Variants in RAD51D observed in about 807,000 individuals in gnomAD.
RAD51D encodes RAD51 paralog D, also known as DNA repair protein RAD51 homolog 4.
A neutral mutation model predicts 44.1 loss-of-function variants in RAD51D; 38 were observed. The ratio of observed to expected loss-of-function variants is 0.86; its 90% CI spans 0.67 to 1.13. The LOEUF (loss-of-function observed/expected upper bound fraction) is 1.13. Among genes scored for constraint, RAD51D ranks in the 50% most tolerant of loss-of-function variants. The probability of loss-of-function intolerance (pLI) is 0.00; values close to 1 mark genes in which losing one functional copy is unlikely to be tolerated. For synonymous variants in RAD51D, 141 were observed against 166.6 expected (o/e 0.85, Z 1.18); for missense variants, 390 against 414.0 (o/e 0.94, Z 0.50).
rs1567729412 is a variant in RAD51D at position 35,108,496 on chromosome 17, T to TAA, written c.264-1050_264-1049insTT. Among the ~76,000 whole-genome samples the TAA allele has an allele frequency of 2.6e-3, 330 of 125,512 alleles. 8 individuals carry two copies. Among genetic ancestry groups the TAA allele is most frequent in the African/African-American group, 0.011 (319 of 29,856 alleles). 82.3% of individuals were successfully genotyped at this position (125,512 alleles called of 152,430 possible). A position where few individuals can be genotyped will look rare whatever the true frequency, so the allele number is the denominator to read the frequency against. ...GCAACATAGCAAGACCCTTTTCTCT[T>TAA]TAAAAAAAAAAAAAAAAAAAAAAAA... On this transcript the variant is annotated intron_variant, in intron 3 of 9. Coordinates refer to ENST00000345365, the MANE Select transcript of RAD51D (RefSeq NM_002878.4).
At chr17:35,114,530 A>T (rs12603896) in intron 3 of RAD51D, among the ~76,000 whole-genome samples, 33,108 of 151,030 alleles carry the variant, frequency 0.22, 4,287 homozygotes, top group Middle Eastern at 0.31. Flanking sequence ...AAAAAAAAAA[A>T]TTTTTTTTAA....
intron 3 of RAD51D, among the ~76,000 whole-genome samples, chr17:35,113,952 T>C (rs960512904): frequency 5.9e-5 from 9 of 152,194 alleles, no homozygotes; most frequent in Non-Finnish European, 8.8e-5. Flanking sequence ...CTAGAGTAGT[T>C]AGTCTCAATC....
At chr17:35,116,480 TTTTTA>T (rs372975479) in intron 3 of RAD51D, among the ~76,000 whole-genome samples, 271 of 150,964 alleles carry the variant, frequency 1.8e-3, no homozygotes, top group African/African-American at 4.4e-3. Flanking sequence ...TGATGATTTA[TTTTTA>T]TTTTATTTTA....
At position 35,106,611 on chromosome 17, in the gene RAD51D, T is replaced by C. The variant is rs539710675; in HGVS notation, c.481-130A>G. 1.8e-3 allele frequency: 1,348 copies of C among 739,802 alleles called. 13 individuals are homozygous for C. Among genetic ancestry groups the C allele is most frequent in the South Asian group, 1.2e-3 (78 of 67,282 alleles). The allele number at this position is 739,802 out of a possible 1,614,324, so 45.8% of individuals were successfully genotyped here. A position where few individuals can be genotyped will look rare whatever the true frequency, so the allele number is the denominator to read the frequency against. ...AGGGTGGCAAATGAGCTTTGTCTAA[T>C]GGTCAGTTGTCACAGTGGTGGCTGC... On this transcript the variant is annotated intron_variant, in intron 5 of 9. Transcript: ENST00000345365.
In RAD51D at chr17:35,115,956, G is replaced by GGAAAGAAAGAAAGAAAGAAAGAAAGAAA. The variant is rs71147458; in HGVS notation, c.263+2517_263+2544dup. 6.0e-4 allele frequency among the ~76,000 whole-genome samples: 39 copies of GGAAAGAAAGAAAGAAAGAAAGAAAGAAA among 65,274 alleles called. 1 individual carries two copies. The highest frequency in any genetic ancestry group is 7.9e-4 in the Non-Finnish European group (27 of 34,050). 42.8% of individuals were successfully genotyped at this position (65,274 alleles called of 152,430 possible). ...GGAAGGAAGAAAGAAAAGGAAGAAA[G>GGAAAGAAAGAAAGAAAGAAAGAAAGAAA]GAAAGAAAGAAAGAAAGAAAGAAAG... On this transcript the variant is annotated intron_variant, in intron 3 of 9. Transcript: ENST00000345365.
intron 3 of RAD51D, chr17:35,115,213 G>C: frequency 3.9e-6 from 2 of 506,578 alleles, no homozygotes; most frequent in Admixed American, 4.0e-5. Flanking sequence ...CTTATCCTCT[G>C]CCTTTCCCTC....
At chr17:35,118,388 A>G in intron 3 of RAD51D, 113 bp downstream of exon 3, 2 of 860,106 alleles carry the variant, frequency 2.3e-6, no homozygotes, top group Admixed American at 1.9e-5. Context: ...CTTCCCATCC[A>G]TTATTGGTTA....
At chr17:35,106,840 G>T in intron 5 of RAD51D, 148 bp downstream of exon 5, 1 of 1,194,650 alleles carries the variant, frequency 8.4e-7, no homozygotes, top group Non-Finnish European at 1.2e-6. Flanking sequence ...GGCATCAACA[G>T]GGGTGGCTTA....
In RAD51D at chr17:35,103,534, G is replaced by T. The variant is rs2142421076; in HGVS notation, c.587C>A (p.Ser196Tyr). 2 of 1,614,104 alleles carry T rather than the reference G, an allele frequency of 1.2e-6. No homozygotes were observed. Among genetic ancestry groups the T allele is most frequent in the Non-Finnish European group, 1.7e-6 (2 of 1,179,968 alleles). The change falls in exon 7 of 10, where the codon TCT (serine) becomes TAT (tyrosine). Residue 196 changes from serine to tyrosine, a missense_variant. Physicochemically the swap from Ser to Tyr is moderately radical, Grantham distance 144. Coordinates refer to ENST00000345365, the MANE Select transcript of RAD51D (RefSeq NM_002878.4). This position sits in a 1 kb window ranked among gnomAD's most constrained non-coding sequence, Gnocchi z 4.1. Reference sequence around the variant, plus strand: ...AACCACCACCTTCACAGTTCCTGAAGAACCAGTCACCTGAAGGAATGTGGG... The same window carrying T: ...AACCACCACCTTCACAGTTCCTGAATAACCAGTCACCTGAAGGAATGTGGG... ...RGTVAQQVTG[S>Y]SGTVKVVVVD...
rs2142417283 is a variant in RAD51D at position 35,103,186 on chromosome 17, C to T, written c.738+68G>A. On this transcript the variant is annotated intron_variant, in intron 8 of 9. Transcript: ENST00000345365. The surrounding 1 kb of genome is among the most constrained non-coding windows in gnomAD (Gnocchi z 4.1). ...GGCCACTTTGGGGTTCAGAAGCTGACATTTAAGGGAAATAAAGAGCTCGCA... is the reference window on the plus strand; with the variant it reads ...GGCCACTTTGGGGTTCAGAAGCTGATATTTAAGGGAAATAAAGAGCTCGCA... The T allele has an allele frequency of 6.7e-7, 1 of 1,483,722 alleles. No homozygotes were observed. Among genetic ancestry groups the T allele is most frequent in the Non-Finnish European group, 9.2e-7 (1 of 1,085,296 alleles). The allele number at this position is 1,483,722 out of a possible 1,614,324, so 91.9% of individuals were successfully genotyped here.
At chr17:35,109,198 C>T (rs2091646816) in intron 3 of RAD51D, among the ~76,000 whole-genome samples, 1 of 152,088 alleles carries the variant, frequency 6.6e-6, no homozygotes, top group Admixed American at 6.6e-5. Context: ...AGCATCATTC[C>T]CTTGAGATCC....
chr17:35,097,082 T>C lies in RAD51D; in HGVS notation c.*3871A>G, dbSNP rs2091490522. On this transcript the variant is annotated 3_prime_UTR_variant, in exon 10 of 10. Transcript: ENST00000345365. ...CAATAGTCCCCTGTAAAAAGATATG[T>C]AAGAAGACACTCTGGGGACTCAATG... 6.6e-6 allele frequency: 1 copy of C among 152,056 alleles called. No homozygotes were observed. Among genetic ancestry groups the C allele is most frequent in the Non-Finnish European group, 1.5e-5 (1 of 68,018 alleles). 9.4% of individuals were successfully genotyped at this position (152,056 alleles called of 1,614,324 possible).
At chr17:35,118,410 C>T (rs1215074225) in intron 3 of RAD51D, 91 bp downstream of exon 3, 24 of 1,105,090 alleles carry the variant, frequency 2.2e-5, no homozygotes, top group Non-Finnish European at 3.1e-5. Flanking sequence ...AAAAAAAACC[C>T]CTCCCGTCTA....
rs2091476936 is a variant in RAD51D, at chr17:35,094,795, T to C, written c.*6158A>G. 6.6e-6 allele frequency: 1 copy of C among 152,220 alleles called. No individual in the cohort carries two copies. The highest frequency in any genetic ancestry group is 2.4e-5 in the African/African-American group (1 of 41,446). 9.4% of individuals were successfully genotyped at this position (152,220 alleles called of 1,614,324 possible). On this transcript the variant is annotated 3_prime_UTR_variant, in exon 10 of 10. Coordinates refer to ENST00000345365, the MANE Select transcript of RAD51D (RefSeq NM_002878.4). Reference sequence around the variant, plus strand: ...ATTTACTGTCTATTAAATGGAATCATTCCCTCTGCCACAAGGCTGTCCTAA... The same window carrying C: ...ATTTACTGTCTATTAAATGGAATCACTCCCTCTGCCACAAGGCTGTCCTAA...
At chr17:35,111,707 T>TG (rs2091679202) in intron 3 of RAD51D, among the ~76,000 whole-genome samples, 1 of 152,234 alleles carries the variant, frequency 6.6e-6, no homozygotes, top group South Asian at 2.1e-4. Flanking sequence ...GTCTTAACCC[T>TG]GGGTAGACTG....
intron 3 of RAD51D, among the ~76,000 whole-genome samples, chr17:35,115,926 AG>A (rs1352450221): frequency 1.4e-4 from 19 of 138,332 alleles, no homozygotes; most frequent in South Asian, 2.4e-4. Context: ...GAAGGAAGGA[AG>A]GAAGGAAGGA....
At chr17:35,107,255 T>TC in intron 4 of RAD51D, 111 bp downstream of exon 4, 1 of 1,459,364 alleles carries the variant, frequency 6.9e-7, no homozygotes, top group Non-Finnish European at 9.6e-7. Flanking sequence ...ACCCATCTTC[T>TC]CTCTGTTGGG....
intron 3 of RAD51D, chr17:35,115,400 T>C: frequency 2.2e-6 from 1 of 455,518 alleles, no homozygotes; most frequent in Non-Finnish European, 4.4e-6. Context: ...GTACGTTACA[T>C]GCTATAACAC....
In RAD51D at chr17:35,107,387, G is replaced by A. The variant is rs758132417; in HGVS notation, c.324C>T (p.Gly108=). The change falls in exon 4 of 10, where the codon GGC becomes GGT. Residue 108 remains glycine, a synonymous_variant. Coordinates refer to ENST00000345365, the MANE Select transcript of RAD51D (RefSeq NM_002878.4). The part of the protein sequence containing the change: ...YTGEVTEIVG[G]PGSGKTQVCL... Reference sequence around the variant, plus strand: ...GTACCTGAGTTTTGCCGCTACCTGGGCCTCCTACAATTTCAGTCACTTCTC... The same window carrying A: ...GTACCTGAGTTTTGCCGCTACCTGGACCTCCTACAATTTCAGTCACTTCTC... 7 of 1,562,612 alleles carry A rather than the reference G, an allele frequency of 4.5e-6. No homozygotes were observed. In the South Asian group the frequency reaches 6.7e-5, roughly 15 times the overall value.
Sources: gnomAD v4.1 joint callset for allele counts (sites outside exome capture counted in the v4.1 genomes callset) on GRCh38, gnomAD v4.1.1 for gene constraint, Gnocchi (gnomAD v3.1) non-coding constraint, MANE v1.5 for transcripts, NCBI Gene and HGNC (gene_info 2026-07-23, HGNC 2026-07-21) for gene names.